PPP1R8: variants seen among roughly 807,000 people sequenced by gnomAD.
PPP1R8 encodes the protein protein phosphatase 1 regulatory subunit 8.
Under a neutral mutation model 31.3 loss-of-function variants are expected in PPP1R8, and 4 were observed. The observed-to-expected ratio is 0.13, with a 90% confidence interval of 0.06 to 0.29. PPP1R8 has a LOEUF of 0.29. PPP1R8 is among the 10% of genes least tolerant of loss of function. PPP1R8 has a pLI of 1.00. For synonymous variants in PPP1R8, 170 were observed against 169.7 expected, an observed-to-expected ratio of 1.00 and a Z score of -0.01; for missense variants, 254 against 440.1, an observed-to-expected ratio of 0.58 and a Z score of 3.78.
At chr1:27,834,419 G>A (rs750480754) in intron 2 of PPP1R8, 3 of 518,788 alleles carry the variant, frequency 5.8e-6, no homozygotes, top group South Asian at 1.4e-5. Flanking sequence ...GATACTAACC[G>A]AGCTGTCTAT....
rs527548877 is a variant in PPP1R8 at position 27,842,138 on chromosome 1, C to T, written c.492+904C>T. 5.3e-5 allele frequency among the ~76,000 whole-genome samples: 8 copies of T among 152,112 alleles called. No homozygotes were observed. The South Asian group carries it at 6.2e-4, about 12-fold the overall frequency. ...GGCGGATCACCTGAGGTCAGGAGTT[C>T]GAGACCAGCCTGGCCAACATGGAGA... is the stretch of plus-strand genomic sequence containing the variant. On this transcript the variant is annotated intron_variant, in intron 4 of 6. Coordinates refer to ENST00000311772, the MANE Select transcript of PPP1R8 (RefSeq NM_014110.5).
chr1:27,843,641 C>CA (rs67039473), intron 5 of PPP1R8, among the ~76,000 whole-genome samples: 6,650 of 145,360 alleles, frequency 0.046, 307 homozygotes, highest in East Asian at 0.25. Flanking sequence ...GCCTAGGTGA[C>CA]AAAAAAAAAA....
chr1:27,831,114 G>A, intron 1 of PPP1R8: 1 of 1,349,990 alleles, frequency 7.4e-7, no homozygotes. Context: ...GGGGCTCAAA[G>A]GCGCTCACTT....
Position 27,850,548 on chromosome 1 carries a change from C to T in PPP1R8, c.*102C>T, listed in dbSNP as rs868079551. The T allele has an allele frequency of 6.6e-6, 7 of 1,067,610 alleles. No individual in the cohort carries two copies. The East Asian group carries it at 1.0e-4, about 16-fold the overall frequency. 66.1% of individuals were successfully genotyped at this position (1,067,610 alleles called of 1,614,324 possible). A position where few individuals can be genotyped will look rare whatever the true frequency, so the allele number is the denominator to read the frequency against. On this transcript the variant is annotated 3_prime_UTR_variant, in exon 7 of 7. Transcript: ENST00000311772. Reference sequence around the variant, plus strand: ...GAAAAACTTTCCATGTGTGCGGTATCGTCTTTCAGAATGTCTCCTGGCATC... The same window carrying T: ...GAAAAACTTTCCATGTGTGCGGTATTGTCTTTCAGAATGTCTCCTGGCATC...
intron 2 of PPP1R8, chr1:27,834,372 A>C: frequency 1.9e-6 from 1 of 515,294 alleles, no homozygotes; most frequent in Non-Finnish European, 3.9e-6. Context: ...TAGACCTGAG[A>C]TGTGCTTATT....
chr1:27,832,847 T>C lies in PPP1R8; in HGVS notation c.117+31T>C, dbSNP rs17162837. 0.024 allele frequency: 37,195 copies of C among 1,569,988 alleles called. 7,218 individuals carry two copies. The African/African-American group carries it at 0.43, about 18-fold the overall frequency. ...GAAATACATGTCTTACTTTTTTGGC[T>C]GCCACACTAAAGATTTTTGCCAGTG... On this transcript the variant is annotated intron_variant, in intron 2 of 6. Transcript: ENST00000311772.
At chr1:27,844,306 ATTTTTATTTTTTAT>A (rs755576213) in intron 5 of PPP1R8, among the ~76,000 whole-genome samples, 1 of 151,652 alleles carries the variant, frequency 6.6e-6, no homozygotes, top group Non-Finnish European at 1.5e-5. Context: ...CCTGGCTGAA[ATTTTTATTTTTTAT>A]TTTTTATTTT....
chr1:27,846,809 C>T (rs2089286083), intron 5 of PPP1R8, among the ~76,000 whole-genome samples: 1 of 152,214 alleles, frequency 6.6e-6, no homozygotes, highest in Admixed American at 6.5e-5. Context: ...CTCCTCCAAG[C>T]CTCAGTTTGC....
chr1:27,848,056 G>T (rs1170193500), intron 6 of PPP1R8, among the ~76,000 whole-genome samples: 2 of 152,156 alleles, frequency 1.3e-5, no homozygotes, highest in Admixed American at 1.3e-4. Context: ...TTTATTTTAT[G>T]AGTGGCAATG....
In PPP1R8 at chr1:27,843,185, G is replaced by C; in HGVS notation, c.493-1G>C. The C allele has an allele frequency of 6.2e-7, 1 of 1,613,966 alleles. No homozygotes were observed. Among genetic ancestry groups the C allele is most frequent in the Non-Finnish European group, 8.5e-7 (1 of 1,179,990 alleles). ...TCTTTCCTGTATGAACCCTGGCTTA[G>C]AACCTGACAGAGTTCAACACTGCCC... On this transcript the variant is annotated splice_acceptor_variant, in intron 4 of 6. Transcript: ENST00000311772. LOFTEE classifies it high-confidence loss of function.
At chr1:27,831,451 T>C (rs1393977005) in intron 1 of PPP1R8, 3 of 740,630 alleles carry the variant, frequency 4.1e-6, no homozygotes, top group East Asian at 2.6e-4. Flanking sequence ...GAACCCTTTT[T>C]ATCCCTTCGA....
chr1:27,848,154 G>A (rs966560603), intron 6 of PPP1R8, among the ~76,000 whole-genome samples: 3 of 152,144 alleles, frequency 2.0e-5, no homozygotes, highest in Admixed American at 1.3e-4. Flanking sequence ...TGTAATCCCA[G>A]CACTTTGGGA....
chr1:27,836,514 A>G (rs2089167413), intron 2 of PPP1R8, among the ~76,000 whole-genome samples: 2 of 152,148 alleles, frequency 1.3e-5, no homozygotes, highest in Admixed American at 6.5e-5. Flanking sequence ...TCCCGGGCTC[A>G]TGCCATTCTC....
chr1:27,844,884 A>ATT lies in PPP1R8; in HGVS notation c.637+1583_637+1584dup, dbSNP rs765514573. Among the ~76,000 whole-genome samples the ATT allele has an allele frequency of 8.8e-4, 64 of 72,370 alleles. 3 individuals are homozygous for ATT. Among genetic ancestry groups the ATT allele is most frequent in the African/African-American group, 3.3e-3 (33 of 9,868 alleles). The allele number at this position is 72,370 out of a possible 152,430, so 47.5% of individuals were successfully genotyped here. ...AGGCGCCCGCCACCATGCCCGACTA[A>ATT]TTTTTTTTTTTTTTTTTTTTTTTTT... On this transcript the variant is annotated intron_variant, in intron 5 of 6. Transcript: ENST00000311772.
At position 27,850,197 on chromosome 1, in the gene PPP1R8, C is replaced by G. The variant is rs150551499; in HGVS notation, c.807C>G (p.Pro269=). The change falls in exon 7 of 7, where the codon CCC becomes CCG. Residue 269 remains proline (P), a synonymous_variant. Transcript: ENST00000311772. ...GAGGACTCTACGGGGGCCTGCCCCCCACACACAGTGAAGCAGGCTCCCAGC... is the reference window on the plus strand; with the variant it reads ...GAGGACTCTACGGGGGCCTGCCCCCGACACACAGTGAAGCAGGCTCCCAGC... ...FSGGLYGGLP[P]THSEAGSQPH... 9.9e-6 allele frequency: 16 copies of G among 1,614,078 alleles called. No homozygotes were observed. In the African/African-American group the frequency reaches 2.0e-4, roughly 20 times the overall value.
chr1:27,834,964 G>A (rs1433264298), intron 2 of PPP1R8, among the ~76,000 whole-genome samples: 1 of 152,188 alleles, frequency 6.6e-6, no homozygotes, highest in Non-Finnish European at 1.5e-5. Context: ...TTTGCAGTGA[G>A]TGGAGATTGC....
At chr1:27,831,256 G>A in intron 1 of PPP1R8, 1 of 1,015,646 alleles carries the variant, frequency 9.8e-7, no homozygotes, top group Non-Finnish European at 1.2e-6. Flanking sequence ...TGTACGTCCC[G>A]AGCGCGCTCG....
At position 27,830,806 on chromosome 1, in the gene PPP1R8, G is replaced by T; in HGVS notation, c.-30G>T. ...TCTTCCAGTTTCCCGGCGTGCTTAG[G>T]GCGCGCCAAATGGGAGGGGGAGACG... is the stretch of plus-strand genomic sequence containing the variant. On this transcript the variant is annotated 5_prime_UTR_variant, in exon 1 of 7. Transcript: ENST00000311772. 1 of 1,565,330 alleles carries T rather than the reference G, an allele frequency of 6.4e-7. No individual in the cohort carries two copies. The highest frequency in any genetic ancestry group is 8.7e-7 in the Non-Finnish European group (1 of 1,155,888).
At chr1:27,838,182 AC>A (rs1226891997) in intron 2 of PPP1R8, among the ~76,000 whole-genome samples, 1 of 141,514 alleles carries the variant, frequency 7.1e-6, no homozygotes, top group African/African-American at 2.7e-5. Context: ...TTGCACTCCA[AC>A]CTGGGTGACA....
Sources: gnomAD v4.1 joint callset for allele counts (sites outside exome capture counted in the v4.1 genomes callset) on GRCh38, gnomAD v4.1.1 for gene constraint, MANE v1.5 for transcripts, NCBI Gene and HGNC (gene_info 2026-07-23, HGNC 2026-07-21) for gene names.